IQCJ: variants seen among roughly 807,000 people sequenced by gnomAD.
IQCJ encodes the protein IQ domain-containing protein J.
In IQCJ, 9 loss-of-function variants were observed where a neutral mutation model predicts 11.0. That is an observed-to-expected ratio of 0.82 (90% CI 0.49 to 1.43). IQCJ has a LOEUF of 1.43. Among genes scored for constraint, IQCJ ranks in the 40% most tolerant of loss-of-function variants. The pLI is 0.00. For missense variants in IQCJ, 146 were observed against 133.2 expected (o/e 1.10, Z -0.47); for synonymous variants, 55 against 51.3 (o/e 1.07, Z -0.31).
intron 1 of IQCJ, among the ~76,000 whole-genome samples, chr3:159,144,691 G>C (rs1007829298): frequency 5.5e-5 from 8 of 146,028 alleles, no homozygotes; most frequent in African/African-American, 2.1e-4. Flanking sequence ...CACACACACA[G>C]AGTTCCTGCT....
chr3:159,174,249 T>G (rs1030866264), intron 1 of IQCJ, among the ~76,000 whole-genome samples: 1 of 152,182 alleles, frequency 6.6e-6, no homozygotes, highest in Non-Finnish European at 1.5e-5. Flanking sequence ...TCTAAAGATT[T>G]TAAGCAATTT....
intron 1 of IQCJ, among the ~76,000 whole-genome samples, chr3:159,121,382 C>T (rs1011143003): frequency 6.6e-6 from 1 of 152,276 alleles, no homozygotes; most frequent in African/African-American, 2.4e-5. Context: ...CAATTTCCCA[C>T]CTCAGCCTCC....
At chr3:159,265,448 C>T (rs764332062), downstream of IQCJ, 6 of 1,477,410 alleles carry the variant, frequency 4.1e-6, no homozygotes, top group South Asian at 6.0e-5. Context: ...CCCTGGCCTA[C>T]ACTGACTAAG....
Position 159,111,721 on chromosome 3 carries a change from C to A in IQCJ, c.9+42280C>A, listed in dbSNP as rs57604401. Among the ~76,000 whole-genome samples, 1,066 of 152,298 alleles carry A rather than the reference C, an allele frequency of 7.0e-3. 11 individuals are homozygous for A. The highest frequency in any genetic ancestry group is 0.024 in the African/African-American group (1,010 of 41,564). ...GCACCTTAGCAGTCAGCACTGCATT[C>A]ACATTCCCAGAGGTGATTCAGTTTC... On this transcript the variant is annotated intron_variant, in intron 1 of 3. Transcript: ENST00000397832.
intron 1 of IQCJ, among the ~76,000 whole-genome samples, chr3:159,080,949 T>G (rs1259425625): frequency 6.6e-6 from 1 of 152,122 alleles, no homozygotes; most frequent in African/African-American, 2.4e-5. Flanking sequence ...CTTAGAGCAC[T>G]CAGAATGCTG....
In IQCJ at chr3:159,091,898, G is replaced by A. The variant is rs897970026; in HGVS notation, c.9+22457G>A. ...GAAAGCTATGCTTCATAGAATTTCA[G>A]CTAATAAATGTAGAAGGAATAATAG... On this transcript the variant is annotated intron_variant, in intron 1 of 3. Coordinates refer to ENST00000397832, the MANE Select transcript of IQCJ (RefSeq NM_001042706.3). 5.9e-5 allele frequency among the ~76,000 whole-genome samples: 9 copies of A among 151,816 alleles called. 1 individual carries two copies. The highest frequency in any genetic ancestry group is 5.9e-4 in the Admixed American group (9 of 15,256).
intron 2 of IQCJ, among the ~76,000 whole-genome samples, chr3:159,250,760 A>ATT (rs1727548887): frequency 6.6e-6 from 1 of 152,180 alleles, no homozygotes; most frequent in Admixed American, 6.5e-5. Context: ...ACATGTGGGG[A>ATT]TTATTACAAT....
chr3:159,092,909 C>A (rs1005270658), intron 1 of IQCJ, among the ~76,000 whole-genome samples: 3 of 151,514 alleles, frequency 2.0e-5, no homozygotes, highest in African/African-American at 7.3e-5. Context: ...CTACAGTGTA[C>A]TTTCAAATAC....
chr3:159,160,868 T>C (rs1011445699), intron 1 of IQCJ, among the ~76,000 whole-genome samples: 6 of 152,176 alleles, frequency 3.9e-5, no homozygotes, highest in African/African-American at 1.4e-4. Flanking sequence ...GAACTCATCA[T>C]TTTTATGGCT....
intron 1 of IQCJ, among the ~76,000 whole-genome samples, chr3:159,102,028 T>C (rs913274644): frequency 1.3e-5 from 2 of 152,228 alleles, no homozygotes; most frequent in African/African-American, 4.8e-5. Flanking sequence ...ATGTGCAGAA[T>C]GGCAGTCCTT....
At chr3:159,144,408 T>C (rs1164249127) in intron 1 of IQCJ, among the ~76,000 whole-genome samples, 5 of 152,212 alleles carry the variant, frequency 3.3e-5, no homozygotes, top group Non-Finnish European at 5.9e-5. Flanking sequence ...TTAGGGATCA[T>C]GAGTATCTCT....
At chr3:159,137,822 C>A (rs540391213) in intron 1 of IQCJ, among the ~76,000 whole-genome samples, 1 of 152,076 alleles carries the variant, frequency 6.6e-6, no homozygotes, top group African/African-American at 2.4e-5. Flanking sequence ...AAAAAATAAA[C>A]CCCAAGGTTT....
At chr3:159,134,483 A>G (rs1010339304) in intron 1 of IQCJ, among the ~76,000 whole-genome samples, 3 of 152,222 alleles carry the variant, frequency 2.0e-5, no homozygotes, top group African/African-American at 7.2e-5. Context: ...CATTTAGAAT[A>G]GTTCTGCTTG....
chr3:159,187,792 C>CG (rs1723456990), intron 1 of IQCJ, among the ~76,000 whole-genome samples: 1 of 152,218 alleles, frequency 6.6e-6, no homozygotes, highest in African/African-American at 2.4e-5. Flanking sequence ...TAGCATCTGA[C>CG]GCCCCATAAT....
Position 159,116,614 on chromosome 3 carries a change from GTATATATATATATATATATA to G in IQCJ, c.9+47210_9+47229del, listed in dbSNP as rs57810703. ...TTCTATTTTAGCATCCTGCTCATAT[GTATATATATATATATATATA>G]TATATATATATATATATATATATAT... is the stretch of plus-strand genomic sequence containing the variant. On this transcript the variant is annotated intron_variant, in intron 1 of 3. Transcript: ENST00000397832. Among the ~76,000 whole-genome samples, 513 of 57,644 alleles carry G rather than the reference GTATATATATATATATATATA, an allele frequency of 8.9e-3. 3 individuals are homozygous for G. The highest frequency in any genetic ancestry group is 0.018 in the African/African-American group (303 of 17,266). The allele number at this position is 57,644 out of a possible 152,430, so 37.8% of individuals were successfully genotyped here. A position where few individuals can be genotyped will look rare whatever the true frequency, so the allele number is the denominator to read the frequency against.
intron 3 of IQCJ, among the ~76,000 whole-genome samples, chr3:159,261,075 T>C (rs1728176632): frequency 6.6e-6 from 1 of 152,192 alleles, no homozygotes; most frequent in Non-Finnish European, 1.5e-5. Flanking sequence ...ATTTTTTTTG[T>C]TATTTATATG....
At chr3:159,088,392 T>G (rs1332654324) in intron 1 of IQCJ, among the ~76,000 whole-genome samples, 1 of 152,172 alleles carries the variant, frequency 6.6e-6, no homozygotes, top group Non-Finnish European at 1.5e-5. Flanking sequence ...AAATGTATAT[T>G]CTGTTGATTT....
chr3:159,263,529 A>G lies in IQCJ; in HGVS notation c.*798A>G, dbSNP rs529923388. The G allele has an allele frequency of 1.4e-4, 136 of 985,156 alleles. No individual in the cohort carries two copies. In the African/African-American group the frequency reaches 2.3e-3, roughly 17 times the overall value. 61.0% of individuals were successfully genotyped at this position (985,156 alleles called of 1,614,324 possible). On this transcript the variant is annotated 3_prime_UTR_variant, in exon 4 of 4. Coordinates refer to ENST00000397832, the MANE Select transcript of IQCJ (RefSeq NM_001042706.3). Reference sequence around the variant, plus strand: ...TTTTGTGGATTTAAGCATTGTGATAATTTGTAACCAGTCACTGAAATGCTG... The same window carrying G: ...TTTTGTGGATTTAAGCATTGTGATAGTTTGTAACCAGTCACTGAAATGCTG...
At chr3:159,225,678 A>G (rs1725815932) in intron 1 of IQCJ, among the ~76,000 whole-genome samples, 1 of 152,168 alleles carries the variant, frequency 6.6e-6, no homozygotes, top group South Asian at 2.1e-4. Flanking sequence ...TCCACCACCA[A>G]GAAATTCTCC....
Sources: allele counts gnomAD v4.1 joint callset (sites outside exome capture counted in the v4.1 genomes callset), GRCh38; gene constraint gnomAD v4.1.1; transcripts MANE v1.5; gene names NCBI Gene and HGNC (gene_info 2026-07-23, HGNC 2026-07-21).